COLEC12: variants seen among roughly 807,000 people sequenced by gnomAD.
COLEC12 encodes collectin subfamily member 12.
In COLEC12, 33 loss-of-function variants were observed where a neutral mutation model predicts 71.1. The ratio of observed to expected loss-of-function variants is 0.46; its 90% CI spans 0.35 to 0.62. The LOEUF (loss-of-function observed/expected upper bound fraction) is 0.62. COLEC12 is among the 20% of genes least tolerant of loss of function. The pLI is 0.00. For synonymous variants in COLEC12, 350 were observed against 353.0 expected, an observed-to-expected ratio of 0.99 and a Z score of 0.10; for missense variants, 765 against 916.1, an observed-to-expected ratio of 0.84 and a Z score of 2.13.
At chr18:394,928 C>T (rs1915537445) in intron 2 of COLEC12, among the ~76,000 whole-genome samples, 1 of 152,100 alleles carries the variant, frequency 6.6e-6, no homozygotes, top group African/African-American at 2.4e-5. Context: ...AAAAACAAAA[C>T]AAAACAAAAC....
chr18:480,827 C>T lies in COLEC12; in HGVS notation c.8-70G>A, dbSNP rs1169863579. ...CAGAAGCAGAGGGTGGGGCAGGATG[C>T]GACCTGCTTCATCGCCCCTGCTTGT... On this transcript the variant is annotated intron_variant, in intron 1 of 9. Transcript: ENST00000400256. This position sits in a 1 kb window ranked among gnomAD's most constrained non-coding sequence, Gnocchi z 4.1. 1.2e-5 allele frequency: 15 copies of T among 1,292,372 alleles called. No homozygotes were observed. Among genetic ancestry groups the T allele is most frequent in the Admixed American group, 1.7e-5 (1 of 59,548 alleles). The allele number at this position is 1,292,372 out of a possible 1,614,324, so 80.1% of individuals were successfully genotyped here. A position where few individuals can be genotyped will look rare whatever the true frequency, so the allele number is the denominator to read the frequency against.
intron 2 of COLEC12, among the ~76,000 whole-genome samples, chr18:470,078 C>CA (rs1347130998): frequency 6.6e-6 from 1 of 152,086 alleles, no homozygotes; most frequent in Non-Finnish European, 1.5e-5. Flanking sequence ...AAAAGCAATT[C>CA]AATCATAAGA....
intron 2 of COLEC12, among the ~76,000 whole-genome samples, chr18:466,038 G>A (rs534850443): frequency 5.6e-4 from 85 of 151,892 alleles, no homozygotes; most frequent in Middle Eastern, 3.4e-3. Context: ...ATTGTACTCC[G>A]GCCTTGGGGA....
rs556122519 is a variant in COLEC12 at position 318,007 on chromosome 18, C to G, written c.*2038G>C. On this transcript the variant is annotated 3_prime_UTR_variant, in exon 10 of 10. Coordinates refer to ENST00000400256, the MANE Select transcript of COLEC12 (RefSeq NM_130386.3). Reference sequence around the variant, plus strand: ...TTTTTTTTCTTTTTGAGATGAGTCTCGCTCTGTCGCCCAGGCTGGAGTGCA... The same window carrying G: ...TTTTTTTTCTTTTTGAGATGAGTCTGGCTCTGTCGCCCAGGCTGGAGTGCA... 1.3e-5 allele frequency: 2 copies of G among 149,746 alleles called. No individual in the cohort carries two copies. The highest frequency in any genetic ancestry group is 3.0e-5 in the Non-Finnish European group (2 of 67,654). The allele number at this position is 149,746 out of a possible 1,614,324, so 9.3% of individuals were successfully genotyped here.
intron 1 of COLEC12, among the ~76,000 whole-genome samples, chr18:484,732 A>G (rs896612745): frequency 6.6e-6 from 1 of 152,234 alleles, no homozygotes; most frequent in Non-Finnish European, 1.5e-5. Context: ...AATGTTTTCA[A>G]AAGTTGACTT....
intron 2 of COLEC12, among the ~76,000 whole-genome samples, chr18:395,786 C>T (rs1441222705): frequency 6.6e-6 from 1 of 152,210 alleles, no homozygotes; most frequent in Non-Finnish European, 1.5e-5. Context: ...AGGTGTCAGT[C>T]CATTGACTCA....
rs754109861 is a variant in COLEC12 at position 372,065 on chromosome 18, G to A, written c.59-14543C>T. On this transcript the variant is annotated intron_variant, in intron 2 of 9. Coordinates refer to ENST00000400256, the MANE Select transcript of COLEC12 (RefSeq NM_130386.3). The stretch of plus-strand genomic sequence containing the variant: ...TCATTCTTCCCTCAGGTGCCTTTGT[G>A]CAGTACCAACACTGTGAACCAGACA... Among the ~76,000 whole-genome samples the A allele has an allele frequency of 1.3e-5, 2 of 152,100 alleles. 1 individual carries two copies. Among genetic ancestry groups the A allele is most frequent in the East Asian group, 3.8e-4 (2 of 5,202 alleles).
At chr18:424,499 T>C (rs1030505251) in intron 2 of COLEC12, 2 of 152,216 alleles carry the variant, frequency 1.3e-5, no homozygotes, top group African/African-American at 4.8e-5. Flanking sequence ...TTTTCCTATG[T>C]TGTTTTATAA....
chr18:459,510 A>G (rs1385345021), intron 2 of COLEC12, among the ~76,000 whole-genome samples: 1 of 152,238 alleles, frequency 6.6e-6, no homozygotes, highest in Admixed American at 6.5e-5. Context: ...ATTGGGACGT[A>G]TGTAAAACCC....
chr18:460,056 A>AT (rs1916948386), intron 2 of COLEC12, among the ~76,000 whole-genome samples: 1 of 136,834 alleles, frequency 7.3e-6, no homozygotes, highest in South Asian at 2.3e-4. Flanking sequence ...AAAGGAAAAA[A>AT]GAAAAAAAAA....
rs1913605373 is a variant in COLEC12 at position 318,478 on chromosome 18, CAGAGG to C, written c.*1562_*1566del. On this transcript the variant is annotated 3_prime_UTR_variant, in exon 10 of 10. Transcript: ENST00000400256. ...TCAAGGAGCGAAAGGAAGATGGGCT[CAGAGG>C]AAAGGTTTTTTTTTTTTTTTTTTTT... 6.9e-6 allele frequency: 1 copy of C among 144,144 alleles called. No individual in the cohort carries two copies. The highest frequency in any genetic ancestry group is 2.6e-5 in the African/African-American group (1 of 38,922). 8.9% of individuals were successfully genotyped at this position (144,144 alleles called of 1,614,324 possible).
chr18:465,885 C>T (rs1173276856), intron 2 of COLEC12, among the ~76,000 whole-genome samples: 1 of 151,978 alleles, frequency 6.6e-6, no homozygotes, highest in East Asian at 1.9e-4. Flanking sequence ...CCAGCCTGGG[C>T]AACATGGCAA....
At chr18:384,738 G>A (rs1670250114) in intron 2 of COLEC12, among the ~76,000 whole-genome samples, 1 of 152,156 alleles carries the variant, frequency 6.6e-6, no homozygotes. Flanking sequence ...GTGATTCCAG[G>A]TGTCTTTGAT....
intron 1 of COLEC12, among the ~76,000 whole-genome samples, chr18:493,565 C>T (rs1410262851): frequency 6.6e-6 from 1 of 152,220 alleles, no homozygotes; most frequent in Non-Finnish European, 1.5e-5. Flanking sequence ...ACTTTGGATT[C>T]CAGTTGTTTA....
rs1914391938 is a variant in COLEC12, at chr18:346,961, T to C, written c.661A>G (p.Thr221Ala). The change falls in exon 5 of 10, where the codon ACG (threonine) becomes GCG (alanine). Residue 221 changes from threonine (T) to alanine (A), a missense_variant. Physicochemically the swap from Thr to Ala is moderately conservative, Grantham distance 58. Coordinates refer to ENST00000400256, the MANE Select transcript of COLEC12 (RefSeq NM_130386.3). The surrounding 1 kb of genome is among the most constrained non-coding windows in gnomAD (Gnocchi z 4.0). ...LTQVQQRNLI[T>A]NLQRSVDDTS... ...TCATCCACAGACCGCTGCAGATTCG[T>C]GATGAGGTTCCTCTGCTGCACCTGG... 2 of 1,614,112 alleles carry C rather than the reference T, an allele frequency of 1.2e-6. No homozygotes were observed. The highest frequency in any genetic ancestry group is 2.7e-5 in the African/African-American group (2 of 74,934).
intron 2 of COLEC12, among the ~76,000 whole-genome samples, chr18:436,502 C>T (rs1316690597): frequency 3.0e-5 from 3 of 100,912 alleles, no homozygotes; most frequent in South Asian, 3.5e-4. Flanking sequence ...GTGACAACAG[C>T]GAGACTCCAT....
intron 2 of COLEC12, among the ~76,000 whole-genome samples, chr18:379,362 AG>A (rs1380723569): frequency 1.3e-5 from 2 of 152,030 alleles, no homozygotes; most frequent in Non-Finnish European, 2.9e-5. Flanking sequence ...CCTAGACTCA[AG>A]CAATCCTCCC....
chr18:466,233 T>G (rs1341110085), intron 2 of COLEC12, among the ~76,000 whole-genome samples: 2 of 152,246 alleles, frequency 1.3e-5, no homozygotes, highest in South Asian at 2.1e-4. Context: ...GATTGAGACC[T>G]TGTCTCAAAA....
At chr18:444,316 T>G (rs763489044) in intron 2 of COLEC12, among the ~76,000 whole-genome samples, 4 of 152,232 alleles carry the variant, frequency 2.6e-5, no homozygotes, top group Non-Finnish European at 5.9e-5. Context: ...TTATTTTTGT[T>G]TATTCTATGT....
Sources: allele counts gnomAD v4.1 joint callset (sites outside exome capture counted in the v4.1 genomes callset), GRCh38; gene constraint gnomAD v4.1.1; non-coding constraint Gnocchi (gnomAD v3.1); transcripts MANE v1.5; gene names NCBI Gene and HGNC (gene_info 2026-07-23, HGNC 2026-07-21).